AGTR1: variants seen among roughly 807,000 people sequenced by gnomAD.
AGTR1 encodes the protein type-1 angiotensin II receptor.
A neutral mutation model predicts 19.4 loss-of-function variants in AGTR1; 16 were observed. That is an observed-to-expected ratio of 0.82 (90% CI 0.56 to 1.25). The LOEUF (loss-of-function observed/expected upper bound fraction) is 1.25. Ranked by LOEUF, AGTR1 falls within the 50% of genes most tolerant of loss-of-function variation. The pLI is 0.00. For synonymous variants in AGTR1, 153 were observed against 154.9 expected (o/e 0.99, Z 0.09); for missense variants, 373 against 431.9 (o/e 0.86, Z 1.21).
intron 1 of AGTR1, among the ~76,000 whole-genome samples, chr3:148,698,875 A>G (rs1048684899): frequency 1.3e-5 from 2 of 151,666 alleles, no homozygotes; most frequent in African/African-American, 4.9e-5. Flanking sequence ...CCGACACCCA[A>G]CTCCATCCTC....
At chr3:148,735,807 T>C (rs1256539538) in intron 2 of AGTR1, among the ~76,000 whole-genome samples, 1 of 152,198 alleles carries the variant, frequency 6.6e-6, no homozygotes, top group East Asian at 1.9e-4. Context: ...AGTTCCTTTC[T>C]AAGTCTGACT....
chr3:148,735,121 A>C (rs1024864176), intron 2 of AGTR1, among the ~76,000 whole-genome samples: 3 of 152,206 alleles, frequency 2.0e-5, no homozygotes, highest in Non-Finnish European at 4.4e-5. Context: ...CAGTAGGCAC[A>C]TATACTGAAG....
At chr3:148,731,683 A>G (rs1714264332) in intron 2 of AGTR1, among the ~76,000 whole-genome samples, 1 of 152,218 alleles carries the variant, frequency 6.6e-6, no homozygotes, top group Non-Finnish European at 1.5e-5. Flanking sequence ...AGGAAACCAA[A>G]GTGAAAGATT....
intron 2 of AGTR1, chr3:148,730,143 C>T: frequency 5.0e-6 from 2 of 398,166 alleles, no homozygotes; most frequent in Non-Finnish European, 8.9e-6. Flanking sequence ...TCATCATCCT[C>T]ATCGTGAACA....
intron 2 of AGTR1, among the ~76,000 whole-genome samples, chr3:148,720,613 A>C (rs1713575698): frequency 6.6e-6 from 1 of 152,228 alleles, no homozygotes; most frequent in Non-Finnish European, 1.5e-5. Flanking sequence ...AACTATGTAC[A>C]GTACTTAACA....
intron 2 of AGTR1, among the ~76,000 whole-genome samples, chr3:148,726,653 T>C (rs1713958943): frequency 6.6e-6 from 1 of 152,220 alleles, no homozygotes; most frequent in Admixed American, 6.5e-5. Flanking sequence ...GTTTTTTTAA[T>C]TTTTGTACTT....
chr3:148,741,254 T>C lies in AGTR1; in HGVS notation c.219T>C (p.Ala73=). 6.2e-7 allele frequency: 1 copy of C among 1,613,942 alleles called. No individual in the cohort carries two copies. The highest frequency in any genetic ancestry group is 8.5e-7 in the Non-Finnish European group (1 of 1,180,026). ...ASVFLLNLAL[A]DLCFLLTLPL... ...TTTTTCTTTTGAATTTAGCACTGGC[T>C]GACTTATGCTTTTTACTGACTTTGC... is the stretch of plus-strand genomic sequence containing the variant. Residue 73 remains alanine, a synonymous_variant, in exon 3 of 3, where the codon GCT becomes GCC. Transcript: ENST00000349243.
intron 2 of AGTR1, chr3:148,730,210 A>C: frequency 2.5e-6 from 1 of 398,550 alleles, no homozygotes; most frequent in East Asian, 3.6e-5. Context: ...GTCAACTGAC[A>C]GTCCAAAGGC....
chr3:148,723,471 C>T lies in AGTR1; in HGVS notation c.-48+15444C>T, dbSNP rs76449173. ...CTTTTGAACACAAGATAATATTTGT[C>T]GAGTAAATGTCAAAATAGTATAAGA... is the stretch of plus-strand genomic sequence containing the variant. On this transcript the variant is annotated intron_variant, in intron 2 of 2. Coordinates refer to ENST00000349243, the MANE Select transcript of AGTR1 (RefSeq NM_000685.5). Among the ~76,000 whole-genome samples the T allele has an allele frequency of 6.1e-3, 921 of 152,192 alleles. 11 individuals are homozygous for T. Among genetic ancestry groups the T allele is most frequent in the African/African-American group, 0.021 (864 of 41,524 alleles).
chr3:148,733,243 C>T (rs1714389876), intron 2 of AGTR1, among the ~76,000 whole-genome samples: 2 of 152,136 alleles, frequency 1.3e-5, no homozygotes, highest in South Asian at 2.1e-4. Flanking sequence ...TTTGGAAAAA[C>T]GTGTACAGTA....
intron 2 of AGTR1, among the ~76,000 whole-genome samples, chr3:148,726,873 G>A (rs1357454194): frequency 1.3e-5 from 2 of 152,206 alleles, no homozygotes; most frequent in African/African-American, 4.8e-5. Flanking sequence ...AGAAAGAACA[G>A]TGGTGTTTTC....
chr3:148,703,030 GAGTA>G (rs990636799), intron 1 of AGTR1, among the ~76,000 whole-genome samples: 2 of 152,088 alleles, frequency 1.3e-5, no homozygotes, highest in African/African-American at 4.8e-5. Flanking sequence ...GTGGAGAAAA[GAGTA>G]AGGAAAGAAA....
intron 2 of AGTR1, among the ~76,000 whole-genome samples, chr3:148,736,993 C>G (rs891225912): frequency 6.6e-6 from 1 of 152,176 alleles, no homozygotes; most frequent in African/African-American, 2.4e-5. Flanking sequence ...CCTTCGGCTT[C>G]TCACCAAACC....
chr3:148,719,032 CT>C (rs768723141), intron 2 of AGTR1, among the ~76,000 whole-genome samples: 25 of 152,232 alleles, frequency 1.6e-4, no homozygotes, highest in Non-Finnish European at 3.1e-4. Context: ...TCCTTCATTT[CT>C]TAAAGTGTTG....
chr3:148,719,220 C>T (rs1430550110), intron 2 of AGTR1, among the ~76,000 whole-genome samples: 1 of 151,982 alleles, frequency 6.6e-6, no homozygotes, highest in Admixed American at 6.6e-5. Context: ...GGAAATTGCG[C>T]AGAAAGTGCC....
intron 2 of AGTR1, chr3:148,730,268 G>T (rs1464539727): frequency 1.3e-5 from 5 of 398,110 alleles, no homozygotes; most frequent in Non-Finnish European, 2.2e-5. Flanking sequence ...AGAACTTTTG[G>T]CTCCCATCAC....
chr3:148,741,153 G>T lies in AGTR1; in HGVS notation c.118G>T (p.Val40Leu). 3 of 1,614,144 alleles carry T rather than the reference G, an allele frequency of 1.9e-6. No individual in the cohort carries two copies. Among genetic ancestry groups the T allele is most frequent in the Non-Finnish European group, 2.5e-6 (3 of 1,180,020 alleles). ...TCCTACTTTATACAGTATCATCTTTGTGGTGGGAATATTTGGAAACAGCTT... is the reference window on the plus strand; with the variant it reads ...TCCTACTTTATACAGTATCATCTTTTTGGTGGGAATATTTGGAAACAGCTT... The part of the protein sequence containing the change: ...MIPTLYSIIF[V>L]VGIFGNSLVV... Residue 40 changes from valine (V) to leucine (L), a missense_variant, in exon 3 of 3, where the codon GTG (valine) becomes TTG (leucine). Transcript: ENST00000349243.
chr3:148,705,327 T>G (rs1320958439), intron 1 of AGTR1, among the ~76,000 whole-genome samples: 1 of 152,188 alleles, frequency 6.6e-6, no homozygotes, highest in Non-Finnish European at 1.5e-5. Context: ...CACTTACAAT[T>G]TCATCAACAC....
At chr3:148,713,447 T>C (rs1713116066) in intron 2 of AGTR1, among the ~76,000 whole-genome samples, 1 of 152,130 alleles carries the variant, frequency 6.6e-6, no homozygotes, top group Non-Finnish European at 1.5e-5. Flanking sequence ...CAAGTTTTAC[T>C]CAATATGTAT....
Sources: gnomAD v4.1 joint callset for allele counts (sites outside exome capture counted in the v4.1 genomes callset) on GRCh38, gnomAD v4.1.1 for gene constraint, MANE v1.5 for transcripts, NCBI Gene and HGNC (gene_info 2026-07-23, HGNC 2026-07-21) for gene names.